The following TRPM2 variants were observed in gnomAD, a reference collection of about 807,000 sequenced individuals.
The protein encoded by TRPM2 is estrogen-responsive element-associated gene 1 protein.
In TRPM2, 161 loss-of-function variants were observed where a neutral mutation model predicts 174.0. That is an observed-to-expected ratio of 0.93 (90% CI 0.81 to 1.05). The LOEUF (loss-of-function observed/expected upper bound fraction) is 1.05. TRPM2 is among the 50% of genes least tolerant of loss of function. The pLI, the probability that TRPM2 is intolerant of heterozygous loss-of-function variation, is 0.00. For missense variants in TRPM2, 2,057 were observed against 2,038.0 expected, an observed-to-expected ratio of 1.01 and a Z score of -0.18; for synonymous variants, 954 against 861.3, an observed-to-expected ratio of 1.11 and a Z score of -1.88.
At chr21:44,415,369 C>T (rs1215949575) in intron 20 of TRPM2, 1 of 152,164 alleles carries the variant, frequency 6.6e-6, no homozygotes, top group Admixed American at 6.5e-5. Context: ...ATGGGCCCGA[C>T]ATCATCATGA....
intron 7 of TRPM2, 113 bp downstream of exon 7, chr21:44,377,886 C>T: frequency 8.3e-7 from 1 of 1,208,326 alleles, no homozygotes; most frequent in Non-Finnish European, 1.2e-6. Flanking sequence ...GGGCGATGAG[C>T]TTTCCCACCA....
At chr21:44,436,981 GGCAGGGCCAGCCCCGCCGCGGC>G (rs904132705) in intron 28 of TRPM2, 59 bp from the exon 29 acceptor site, 2 of 1,319,610 alleles carry the variant, frequency 1.5e-6, no homozygotes, top group African/African-American at 3.0e-5. Context: ...CCCCGCCCCA[GGCAGGGCCAGCCCCGCCGCGGC>G]GCAGGGGAGG....
rs974433263 is a variant in TRPM2 at position 44,432,732 on chromosome 21, G to A, written c.3975-2399G>A. 6.6e-6 allele frequency among the ~76,000 whole-genome samples: 1 copy of A among 152,134 alleles called. No homozygotes were observed. Among genetic ancestry groups the A allele is most frequent in the Non-Finnish European group, 1.5e-5 (1 of 68,040 alleles). On this transcript the variant is annotated intron_variant, in intron 27 of 31. Transcript: ENST00000397928. The surrounding 1 kb of genome is among the most constrained non-coding windows in gnomAD (Gnocchi z 4.9). The stretch of plus-strand genomic sequence containing the variant: ...GCCCCCTCTTTCTGAGATGGATTGA[G>A]GTCAGGTCAGCAAAGATTCTGCCTT...
At chr21:44,351,732 G>A (rs1198682194), upstream of TRPM2, among the ~76,000 whole-genome samples, 1 of 152,204 alleles carries the variant, frequency 6.6e-6, no homozygotes, top group African/African-American at 2.4e-5. Flanking sequence ...ACTGGGTCGA[G>A]CCATTGGCCC....
At chr21:44,426,063 C>T (rs2050759551) in intron 25 of TRPM2, among the ~76,000 whole-genome samples, 1 of 152,156 alleles carries the variant, frequency 6.6e-6, no homozygotes, top group Non-Finnish European at 1.5e-5. Flanking sequence ...GCACACTGAT[C>T]CCCACAGAGC....
At chr21:44,405,656 T>G (rs564781235) in intron 17 of TRPM2, among the ~76,000 whole-genome samples, 25 of 152,254 alleles carry the variant, frequency 1.6e-4, no homozygotes, top group Non-Finnish European at 3.4e-4. Context: ...AATAGGGCCC[T>G]GGCTAACTGC....
chr21:44,374,982 G>A (rs2048651978), intron 5 of TRPM2, among the ~76,000 whole-genome samples: 1 of 152,134 alleles, frequency 6.6e-6, no homozygotes, highest in Admixed American at 6.5e-5. Context: ...GTATGTTGGT[G>A]CGATCCTCAG....
chr21:44,402,028 T>A, intron 16 of TRPM2, 131 bp downstream of exon 16: 2 of 1,064,892 alleles, frequency 1.9e-6, no homozygotes, highest in Non-Finnish European at 2.8e-6. Context: ...GCAGAGCCGG[T>A]GTTTCCTCCC....
chr21:44,409,836 A>G (rs574626859), intron 19 of TRPM2, among the ~76,000 whole-genome samples: 91 of 143,698 alleles, frequency 6.3e-4, no homozygotes, highest in Non-Finnish European at 1.2e-3. Flanking sequence ...TGGTGAGCGT[A>G]GCCTTGTAGT....
At chr21:44,427,812 G>T (rs2050862250) in intron 27 of TRPM2, among the ~76,000 whole-genome samples, 1 of 152,178 alleles carries the variant, frequency 6.6e-6, no homozygotes, top group Non-Finnish European at 1.5e-5. Context: ...GCCGGAGGTT[G>T]AGTAAGGAGG....
rs371600225 is a variant in TRPM2 at position 44,381,999 on chromosome 21, TGATA to T, written c.1216-709_1216-706del. On this transcript the variant is annotated intron_variant, in intron 8 of 31. Coordinates refer to ENST00000397928, the MANE Select transcript of TRPM2 (RefSeq NM_003307.4). ...ATAGATAGATAGATAGATAGATGGA[TGATA>T]GATAGATAGTGGGTGGGAGGTAGAT... Among the ~76,000 whole-genome samples the T allele has an allele frequency of 1.0e-2, 1,470 of 147,422 alleles. 18 individuals carry two copies. The highest frequency in any genetic ancestry group is 0.012 in the Non-Finnish European group (810 of 66,914).
At chr21:44,434,052 C>T (rs983746940) in intron 27 of TRPM2, among the ~76,000 whole-genome samples, 4 of 124,398 alleles carry the variant, frequency 3.2e-5, no homozygotes, top group East Asian at 4.5e-4. Context: ...GGGGCAGCCA[C>T]GGTCAGCTGT....
upstream of TRPM2, chr21:44,353,174 G>T (rs1012485037): frequency 6.6e-6 from 1 of 152,292 alleles, no homozygotes; most frequent in Non-Finnish European, 1.5e-5. Context: ...AGAAGAAAAA[G>T]AAACTTCCTT....
In TRPM2 at chr21:44,397,896, G is replaced by T; in HGVS notation, c.2062+20G>T. ...CCATCGGTGAGCTCTGCCGGGCACGGGCTGCAGGCCATGGCTCAGCCGTGC... is the reference window on the plus strand; with the variant it reads ...CCATCGGTGAGCTCTGCCGGGCACGTGCTGCAGGCCATGGCTCAGCCGTGC... On this transcript the variant is annotated intron_variant, in intron 13 of 31. Coordinates refer to ENST00000397928, the MANE Select transcript of TRPM2 (RefSeq NM_003307.4). The T allele has an allele frequency of 6.3e-7, 1 of 1,575,774 alleles. No homozygotes were observed. The highest frequency in any genetic ancestry group is 1.8e-4 in the Middle Eastern group (1 of 5,704).
chr21:44,436,722 C>T (rs536952733), intron 28 of TRPM2, among the ~76,000 whole-genome samples: 1 of 151,758 alleles, frequency 6.6e-6, no homozygotes, highest in East Asian at 2.0e-4. Context: ...CCCCACATCA[C>T]CTCACTGGAT....
intron 8 of TRPM2, 64 bp from the exon 9 acceptor site, chr21:44,382,654 T>C: frequency 1.3e-6 from 2 of 1,517,974 alleles, no homozygotes; most frequent in Non-Finnish European, 9.0e-7. Context: ...CAATTCTATG[T>C]GTCCTGGAGG....
chr21:44,382,287 C>T (rs1046263328), intron 8 of TRPM2, among the ~76,000 whole-genome samples: 1 of 151,646 alleles, frequency 6.6e-6, no homozygotes. Flanking sequence ...ATAGATAGAT[C>T]AGATTATGTA....
intron 4 of TRPM2, among the ~76,000 whole-genome samples, chr21:44,368,574 G>A (rs921301280): frequency 5.9e-5 from 9 of 152,064 alleles, no homozygotes; most frequent in African/African-American, 2.2e-4. Flanking sequence ...TGGGACTGCA[G>A]GCGTGTGCTA....
chr21:44,393,121 G>A (rs577827109), intron 11 of TRPM2, among the ~76,000 whole-genome samples: 65 of 152,120 alleles, frequency 4.3e-4, no homozygotes, highest in African/African-American at 1.5e-3. Flanking sequence ...GAACCCTGCC[G>A]TAATCTCCAC....
Sources: allele counts gnomAD v4.1 joint callset (sites outside exome capture counted in the v4.1 genomes callset), GRCh38; gene constraint gnomAD v4.1.1; non-coding constraint Gnocchi (gnomAD v3.1); transcripts MANE v1.5; gene names NCBI Gene and HGNC (gene_info 2026-07-23, HGNC 2026-07-21).